XG: variants seen among roughly 807,000 people sequenced by gnomAD.
XG encodes the protein Xg glycoprotein (Xg blood group), also known as glycoprotein Xg.
In XG, 24 loss-of-function variants were observed where a neutral mutation model predicts 25.7. The observed-to-expected ratio is 0.93, with a 90% CI of 0.68 to 1.31. The LOEUF is 1.31. Among genes scored for constraint, XG ranks in the 40% most tolerant of loss-of-function variants. The pLI, the probability that XG is intolerant of heterozygous loss-of-function variation, is 0.00. For missense variants in XG, 181 were observed against 187.6 expected, an observed-to-expected ratio of 0.96 and a Z score of 0.21; for synonymous variants, 77 against 69.2, an observed-to-expected ratio of 1.11 and a Z score of -0.56.
chrX:2,756,886 T>C (rs1569457255), intron 1 of XG, among the ~76,000 whole-genome samples: 1 of 152,154 alleles, frequency 6.6e-6, no homozygotes, highest in Non-Finnish European at 1.5e-5. Context: ...GAAGCCCTAG[T>C]GGGCGTTTTA....
At chrX:2,808,894 G>C (rs2087029037) in intron 9 of XG, among the ~76,000 whole-genome samples, 1 of 111,720 alleles carries the variant, frequency 9.0e-6, no homozygotes, top group Non-Finnish European at 1.9e-5. Context: ...GGGTATGTTG[G>C]CATCCTTAGA....
At chrX:2,771,453 C>T (rs779530205) in intron 2 of XG, among the ~76,000 whole-genome samples, 6 of 152,332 alleles carry the variant, frequency 3.9e-5, no homozygotes, top group Admixed American at 3.9e-4. Context: ...CCAAGTTCAG[C>T]TAGAACCTTT....
chrX:2,803,733 C>T (rs946024362), intron 7 of XG, among the ~76,000 whole-genome samples: 1 of 111,358 alleles, frequency 9.0e-6, no homozygotes, highest in African/African-American at 3.3e-5. Flanking sequence ...TCAAACACCG[C>T]GCTTACGTTT....
intron 7 of XG, among the ~76,000 whole-genome samples, chrX:2,801,731 C>A (rs191966660): frequency 9.1e-6 from 1 of 109,889 alleles, no homozygotes; most frequent in African/African-American, 3.4e-5. Context: ...TTTTTTGAGA[C>A]GGAGTCTCGC....
In XG at chrX:2,815,743, A is replaced by G. The variant is rs1129451; in HGVS notation, c.*1363A>G. 1 of 109,098 alleles carries G rather than the reference A, an allele frequency of 9.2e-6. No homozygotes were observed. The highest frequency in any genetic ancestry group is 2.9e-4 in the East Asian group (1 of 3,451). The allele number at this position is 109,098 out of a possible 1,213,427, so 9.0% of individuals were successfully genotyped here. The stretch of plus-strand genomic sequence containing the variant: ...CTGATGCTCAATTACTATTTTCCCT[A>G]TAAGAGTTTCAGCATGAGCTTAATT... On this transcript the variant is annotated 3_prime_UTR_variant, in exon 11 of 11. Coordinates refer to ENST00000644266, the MANE Select transcript of XG (RefSeq NM_001141919.2).
chrX:2,776,729 T>C (rs1350405893), intron 3 of XG, among the ~76,000 whole-genome samples: 1 of 152,148 alleles, frequency 6.6e-6, no homozygotes, highest in Non-Finnish European at 1.5e-5. Flanking sequence ...GCGCCTGTAG[T>C]CTCAGCTACT....
At chrX:2,780,425 T>TTAAA (rs1556369958) in intron 3 of XG, among the ~76,000 whole-genome samples, 9 of 126,642 alleles carry the variant, frequency 7.1e-5, no homozygotes, top group Admixed American at 8.2e-5. Context: ...TTTTTTTTTC[T>TTAAA]AAAAAAAAAA....
At chrX:2,813,110 T>C (rs1003138621) in intron 10 of XG, among the ~76,000 whole-genome samples, 12 of 111,937 alleles carry the variant, frequency 1.1e-4, no homozygotes, top group African/African-American at 3.9e-4. Context: ...AGAGGTATAA[T>C]GTCTTGAAGC....
At chrX:2,776,774 G>A (rs2051004571) in intron 3 of XG, among the ~76,000 whole-genome samples, 1 of 151,664 alleles carries the variant, frequency 6.6e-6, no homozygotes, top group Non-Finnish European at 1.5e-5. Context: ...CGTGAACCCG[G>A]GAGGCGGAGC....
chrX:2,788,209 G>A (rs1393864315), intron 4 of XG, among the ~76,000 whole-genome samples: 2 of 112,457 alleles, frequency 1.8e-5, no homozygotes, highest in Admixed American at 9.4e-5. Context: ...CAGCATCCTT[G>A]CCTTTTTTGT....
chrX:2,757,485 A>G (rs2050460150), intron 1 of XG, among the ~76,000 whole-genome samples: 1 of 151,878 alleles, frequency 6.6e-6, no homozygotes, highest in South Asian at 2.1e-4. Context: ...GCATTTGTAT[A>G]GAGCTGTGTT....
chrX:2,773,990 C>T (rs1255385089), intron 2 of XG, among the ~76,000 whole-genome samples: 1 of 151,442 alleles, frequency 6.6e-6, no homozygotes, highest in Non-Finnish European at 1.5e-5. Flanking sequence ...GTCTCTGCAT[C>T]CCCAGTGAAT....
intron 1 of XG, among the ~76,000 whole-genome samples, chrX:2,768,110 T>A (rs2050739036): frequency 6.6e-6 from 1 of 152,046 alleles, no homozygotes; most frequent in Non-Finnish European, 1.5e-5. Flanking sequence ...GCAACAGCAT[T>A]TCAGAGAGGA....
Position 2,786,014 on chromosome X carries a change from C to T in XG, c.191-3630C>T, listed in dbSNP as rs1170148254. 2.7e-5 allele frequency among the ~76,000 whole-genome samples: 3 copies of T among 110,537 alleles called. No homozygotes were observed. The South Asian group carries it at 1.2e-3, about 44-fold the overall frequency. ...TTACCACACACCAGCCAGCTTTCTC[C>T]GGATGGCTCCAGGCATGCTTGGAGC... is the stretch of plus-strand genomic sequence containing the variant. On this transcript the variant is annotated intron_variant, in intron 4 of 10. Transcript: ENST00000644266.
chrX:2,793,917 A>G (rs188264321), intron 5 of XG, among the ~76,000 whole-genome samples: 1 of 110,605 alleles, frequency 9.0e-6, no homozygotes, highest in African/African-American at 3.3e-5. Context: ...AGCCATCTGG[A>G]GAGAAGGAAA....
rs189940078 is a variant in XG, at chrX:2,801,099, T to C, written c.373+3739T>C. 1.5e-4 allele frequency among the ~76,000 whole-genome samples: 17 copies of C among 110,292 alleles called. No individual in the cohort carries two copies. The South Asian group carries it at 1.6e-3, about 10-fold the overall frequency. On this transcript the variant is annotated intron_variant, in intron 7 of 10. Coordinates refer to ENST00000644266, the MANE Select transcript of XG (RefSeq NM_001141919.2). ...TAGCTAAGGGGTTCCCCTTACCTAC[T>C]ACCTAGGTAGACCTGATTTATTAAG...
chrX:2,801,579 C>G (rs778452650), intron 7 of XG, among the ~76,000 whole-genome samples: 1 of 111,769 alleles, frequency 8.9e-6, no homozygotes, highest in Admixed American at 9.5e-5. Context: ...ACTTACTGTA[C>G]ATGGGGCTGA....
At chrX:2,778,672 C>A (rs1026588348) in intron 3 of XG, among the ~76,000 whole-genome samples, 1 of 152,104 alleles carries the variant, frequency 6.6e-6, no homozygotes, top group Non-Finnish European at 1.5e-5. Flanking sequence ...GAGGTCGCAG[C>A]TATAAAACAA....
intron 7 of XG, among the ~76,000 whole-genome samples, chrX:2,800,699 T>C (rs1222603396): frequency 1.8e-5 from 2 of 111,616 alleles, no homozygotes; most frequent in Non-Finnish European, 3.8e-5. Context: ...AAGAACTGTC[T>C]ACTTTTGGCC....
Sources: gnomAD v4.1 joint callset for allele counts (sites outside exome capture counted in the v4.1 genomes callset) on GRCh38, gnomAD v4.1.1 for gene constraint, MANE v1.5 for transcripts, NCBI Gene and HGNC (gene_info 2026-07-23, HGNC 2026-07-21) for gene names.